Variants in KLHL1 observed in about 807,000 individuals in gnomAD.
KLHL1 encodes the protein kelch-like protein 1.
In KLHL1, 47 loss-of-function variants were observed where a neutral mutation model predicts 77.7. The ratio of observed to expected loss-of-function variants is 0.60; its 90% CI spans 0.48 to 0.77. KLHL1 has a LOEUF of 0.77. Ranked by LOEUF, KLHL1 falls within the 30% of genes least tolerant of loss-of-function variation. KLHL1 has a pLI of 0.00. For missense variants in KLHL1, 925 were observed against 910.8 expected, an observed-to-expected ratio of 1.02 and a Z score of -0.20; for synonymous variants, 360 against 325.2, an observed-to-expected ratio of 1.11 and a Z score of -1.15.
At chr13:69,780,075 T>C (rs568887262) in intron 7 of KLHL1, among the ~76,000 whole-genome samples, 20 of 152,328 alleles carry the variant, frequency 1.3e-4, no homozygotes, top group Middle Eastern at 3.4e-3. Context: ...TCCAAAGTGC[T>C]GGGATGACAG....
intron 4 of KLHL1, among the ~76,000 whole-genome samples, chr13:69,927,578 A>G (rs1471837575): frequency 6.6e-6 from 1 of 152,192 alleles, no homozygotes; most frequent in African/African-American, 2.4e-5. Flanking sequence ...TCAAAACTCA[A>G]TTAAAAATGG....
At chr13:69,729,595 T>C (rs1316892384) in intron 8 of KLHL1, among the ~76,000 whole-genome samples, 1 of 152,130 alleles carries the variant, frequency 6.6e-6, no homozygotes, top group East Asian at 1.9e-4. Context: ...AATTTTCTGC[T>C]ATGGGTCTGA....
intron 7 of KLHL1, among the ~76,000 whole-genome samples, chr13:69,757,648 C>T (rs1404327246): frequency 2.0e-5 from 3 of 152,020 alleles, no homozygotes; most frequent in Non-Finnish European, 4.4e-5. Flanking sequence ...GTTTAAAGTA[C>T]TTAATCAAAT....
intron 8 of KLHL1, among the ~76,000 whole-genome samples, chr13:69,735,526 ATAATT>A (rs1313175461): frequency 4.0e-5 from 6 of 149,516 alleles, no homozygotes; most frequent in South Asian, 2.1e-4. Context: ...ATTATCTTTT[ATAATT>A]TAATTATGTA....
At chr13:69,997,256 T>G (rs1885179410) in intron 1 of KLHL1, among the ~76,000 whole-genome samples, 1 of 150,490 alleles carries the variant, frequency 6.6e-6, no homozygotes, top group Non-Finnish European at 1.5e-5. Context: ...TTAATTCTTA[T>G]TTTATTCAAA....
chr13:69,785,933 T>C lies in KLHL1; in HGVS notation c.1639+10805A>G, dbSNP rs538962619. ...AGAAATGGATAAATTCCTCGACACA[T>C]ACACCCTCCCAAGACTAAACCAGGA... On this transcript the variant is annotated intron_variant, in intron 7 of 10. Coordinates refer to ENST00000377844, the MANE Select transcript of KLHL1 (RefSeq NM_020866.3). Among the ~76,000 whole-genome samples, 299 of 152,190 alleles carry C rather than the reference T, an allele frequency of 2.0e-3. 1 individual carries two copies. The highest frequency in any genetic ancestry group is 6.8e-3 in the African/African-American group (284 of 41,508).
At chr13:70,104,889 T>C (rs1888013136) in intron 1 of KLHL1, among the ~76,000 whole-genome samples, 1 of 152,082 alleles carries the variant, frequency 6.6e-6, no homozygotes, top group Non-Finnish European at 1.5e-5. Context: ...AATGCTGTCT[T>C]TTCTGGGCAG....
chr13:70,064,639 C>T (rs528866106), intron 1 of KLHL1, among the ~76,000 whole-genome samples: 4 of 152,008 alleles, frequency 2.6e-5, no homozygotes, highest in Non-Finnish European at 4.4e-5. Context: ...TATTGCCTAC[C>T]GTTGTAGTTG....
intron 1 of KLHL1, among the ~76,000 whole-genome samples, chr13:70,069,691 T>G (rs908631419): frequency 6.6e-6 from 1 of 152,150 alleles, no homozygotes; most frequent in African/African-American, 2.4e-5. Flanking sequence ...GAAGATTTCC[T>G]TTAATAGGCT....
chr13:69,760,347 T>A (rs1874962136), intron 7 of KLHL1, among the ~76,000 whole-genome samples: 1 of 150,068 alleles, frequency 6.7e-6, no homozygotes, highest in Non-Finnish European at 1.5e-5. Context: ...GTTAGGATAT[T>A]TTATTATTAT....
chr13:70,010,627 C>T (rs1448475528), intron 1 of KLHL1, among the ~76,000 whole-genome samples: 1 of 151,976 alleles, frequency 6.6e-6, no homozygotes, highest in East Asian at 1.9e-4. Context: ...TGTGGTGGCT[C>T]ATGCCTATAA....
rs1229763894 is a variant in KLHL1, at chr13:69,743,116, A to T, written c.1640-2560T>A. ...GGTTGGGTAGAAAATATTTTGATTGATTTATGCTCTTCTGGAGAATATGAT... is the reference window on the plus strand; with the variant it reads ...GGTTGGGTAGAAAATATTTTGATTGTTTTATGCTCTTCTGGAGAATATGAT... On this transcript the variant is annotated intron_variant, in intron 7 of 10. Coordinates refer to ENST00000377844, the MANE Select transcript of KLHL1 (RefSeq NM_020866.3). Among the ~76,000 whole-genome samples the T allele has an allele frequency of 2.0e-5, 3 of 152,172 alleles. No individual in the cohort carries two copies. In the East Asian group the frequency reaches 5.8e-4, roughly 29 times the overall value.
chr13:70,053,619 A>C (rs1376706677), intron 1 of KLHL1, among the ~76,000 whole-genome samples: 1 of 152,120 alleles, frequency 6.6e-6, no homozygotes, highest in Non-Finnish European at 1.5e-5. Flanking sequence ...TTAATCATGA[A>C]TTTAGTATGA....
chr13:69,936,313 G>C (rs951398218), intron 4 of KLHL1, among the ~76,000 whole-genome samples: 3 of 152,162 alleles, frequency 2.0e-5, no homozygotes, highest in African/African-American at 7.2e-5. Flanking sequence ...TGGAGGCCTG[G>C]TGTGATGGCT....
chr13:69,768,312 T>A (rs1451773569), intron 7 of KLHL1, among the ~76,000 whole-genome samples: 1 of 152,092 alleles, frequency 6.6e-6, no homozygotes, highest in Non-Finnish European at 1.5e-5. Context: ...GTGAAATATA[T>A]TTTTTTAAAT....
chr13:69,944,859 T>C (rs943064040), intron 3 of KLHL1, among the ~76,000 whole-genome samples: 2 of 152,158 alleles, frequency 1.3e-5, no homozygotes, highest in Admixed American at 1.3e-4. Context: ...GAAAAGATTG[T>C]CTTTGAATGA....
At chr13:69,719,344 T>C (rs1056306498) in intron 9 of KLHL1, 25 bp downstream of exon 9, 4 of 1,592,934 alleles carry the variant, frequency 2.5e-6, no homozygotes, top group East Asian at 4.5e-5. Context: ...TCTCTTTCGC[T>C]GTAACAGTGT....
intron 1 of KLHL1, among the ~76,000 whole-genome samples, chr13:70,090,148 T>C (rs1162512515): frequency 2.6e-5 from 4 of 152,142 alleles, no homozygotes; most frequent in Non-Finnish European, 4.4e-5. Flanking sequence ...TATTTATATG[T>C]TGGAGTTTCA....
chr13:70,089,856 C>A (rs1306610539), intron 1 of KLHL1, among the ~76,000 whole-genome samples: 1 of 152,076 alleles, frequency 6.6e-6, no homozygotes, highest in Non-Finnish European at 1.5e-5. Flanking sequence ...TAAGACAGCA[C>A]TCTAGGGTTG....
Sources: allele counts gnomAD v4.1 joint callset (sites outside exome capture counted in the v4.1 genomes callset), GRCh38; gene constraint gnomAD v4.1.1; transcripts MANE v1.5; gene names NCBI Gene and HGNC (gene_info 2026-07-23, HGNC 2026-07-21).